RBM26: variants seen among roughly 807,000 people sequenced by gnomAD.
The protein encoded by RBM26 is RNA binding motif protein 26, also known as RNA-binding protein 26.
RBM26 carries 30 observed loss-of-function variants against 123.6 expected under a neutral mutation model. The ratio of observed to expected loss-of-function variants is 0.24; its 90% CI spans 0.18 to 0.33. The LOEUF is 0.33. Among genes scored for constraint, RBM26 ranks in the 10% least tolerant of loss-of-function variants. RBM26 has a pLI of 1.00. For synonymous variants in RBM26, 400 were observed against 404.4 expected (o/e 0.99, Z 0.13); for missense variants, 947 against 1,203.6 (o/e 0.79, Z 3.15).
intron 1 of RBM26, among the ~76,000 whole-genome samples, chr13:79,403,502 C>T (rs764400160): frequency 6.6e-6 from 1 of 152,144 alleles, no homozygotes; most frequent in African/African-American, 2.4e-5. Context: ...TGAAACTGAA[C>T]GCTTAAAGGA....
At chr13:79,350,980 A>C (rs961369049) in intron 14 of RBM26, among the ~76,000 whole-genome samples, 4 of 152,188 alleles carry the variant, frequency 2.6e-5, no homozygotes, top group Admixed American at 1.3e-4. Flanking sequence ...TTTATCAAAA[A>C]TATTTTTCCC....
At chr13:79,329,722 A>T (rs1039813852) in intron 20 of RBM26, among the ~76,000 whole-genome samples, 1 of 152,186 alleles carries the variant, frequency 6.6e-6, no homozygotes, top group African/African-American at 2.4e-5. Flanking sequence ...ATCAAGCTAT[A>T]TCAAAATATG....
intron 1 of RBM26, among the ~76,000 whole-genome samples, chr13:79,394,657 A>G (rs549398856): frequency 1.8e-4 from 28 of 152,152 alleles, no homozygotes; most frequent in Non-Finnish European, 2.9e-4. Context: ...TATTTTTGAC[A>G]GAGTCTCGCT....
intron 13 of RBM26, among the ~76,000 whole-genome samples, chr13:79,353,814 C>T (rs533477797): frequency 2.7e-4 from 41 of 152,052 alleles, no homozygotes; most frequent in African/African-American, 8.7e-4. Flanking sequence ...GCTGAAACAT[C>T]GGGAGACAAA....
At chr13:79,333,461 C>T (rs564299037) in intron 20 of RBM26, among the ~76,000 whole-genome samples, 1 of 152,214 alleles carries the variant, frequency 6.6e-6, no homozygotes, top group Non-Finnish European at 1.5e-5. Context: ...AGAGAACATT[C>T]ACTACAAAGA....
At chr13:79,380,629 G>A (rs368704199) in intron 1 of RBM26, among the ~76,000 whole-genome samples, 6 of 152,046 alleles carry the variant, frequency 3.9e-5, no homozygotes, top group African/African-American at 1.4e-4. Context: ...ATTTCTTTGT[G>A]TTGGGAACAT....
downstream of RBM26, among the ~76,000 whole-genome samples, chr13:79,316,192 G>GGTGTGTGTGT (rs3064578): frequency 0.096 from 13,656 of 141,920 alleles, 786 homozygotes; most frequent in Non-Finnish European, 0.13. Flanking sequence ...AAGTGGGGCA[G>GGTGTGTGTGT]GTGTGTGTGT....
In RBM26 at chr13:79,405,873, G is replaced by C. The variant is rs2079490403; in HGVS notation, c.-99C>G. On this transcript the variant is annotated 5_prime_UTR_variant, in exon 1 of 22. Transcript: ENST00000438737. ...GCCCCCTCCTCCGCGCGCCGCCCGC[G>C]TGGGCCGCGGTGGGAGGCGCCGGTG... is the stretch of plus-strand genomic sequence containing the variant. 1.7e-6 allele frequency: 1 copy of C among 598,236 alleles called. No homozygotes were observed. The highest frequency in any genetic ancestry group is 2.4e-6 in the Non-Finnish European group (1 of 408,420). 37.1% of individuals were successfully genotyped at this position (598,236 alleles called of 1,614,324 possible). A position where few individuals can be genotyped will look rare whatever the true frequency, so the allele number is the denominator to read the frequency against.
downstream of RBM26, among the ~76,000 whole-genome samples, chr13:79,315,177 CCT>C (rs2067030980): frequency 6.6e-6 from 1 of 151,602 alleles, no homozygotes; most frequent in Admixed American, 6.6e-5. Context: ...TTTACCAAAA[CCT>C]CTCTGCATCA....
Position 79,320,654 on chromosome 13 carries a change from T to C in RBM26, c.2991A>G (p.Glu997=), listed in dbSNP as rs780053108. 4 of 1,600,032 alleles carry C rather than the reference T, an allele frequency of 2.5e-6. No homozygotes were observed. In the South Asian group the frequency reaches 4.5e-5, roughly 18 times the overall value. Residue 997 remains glutamate (E), a synonymous_variant, in exon 22 of 22, where the codon GAA becomes GAG. Transcript: ENST00000438737. ...DSLLQDDDEE[E]EDNESRSWRR ...TCCAAGAACGAGATTCATTGTCCTC[T>C]TCTTCTTCATCATCATCTTGAAGTA...
At chr13:79,387,866 C>T in intron 1 of RBM26, among the ~76,000 whole-genome samples, 1 of 152,092 alleles carries the variant, frequency 6.6e-6, no homozygotes, top group East Asian at 1.9e-4. Context: ...TCCTAAATTG[C>T]CAGACCTATA....
chr13:79,402,435 C>CTTT (rs35140010), intron 1 of RBM26, among the ~76,000 whole-genome samples: 3 of 140,616 alleles, frequency 2.1e-5, no homozygotes, highest in African/African-American at 2.6e-5. Flanking sequence ...CACAGCCAGG[C>CTTT]TTTTTTTTTT....
At chr13:79,330,264 T>C (rs1593982912) in intron 20 of RBM26, among the ~76,000 whole-genome samples, 1 of 152,070 alleles carries the variant, frequency 6.6e-6, no homozygotes, top group Admixed American at 6.5e-5. Context: ...GGCATATACA[T>C]AACAGAAAGC....
At chr13:79,316,764 C>T (rs1476967195), downstream of RBM26, among the ~76,000 whole-genome samples, 1 of 151,726 alleles carries the variant, frequency 6.6e-6, no homozygotes, top group African/African-American at 2.4e-5. Context: ...GACAACTCAA[C>T]CATCCCTTGA....
rs8001549 is a variant in RBM26, at chr13:79,373,533, T to A, written c.328-1603A>T. On this transcript the variant is annotated intron_variant, in intron 3 of 21. Coordinates refer to ENST00000438737, the MANE Select transcript of RBM26 (RefSeq NM_001366735.2). ...TATTTATATATATTACTATATATATTTATATAATATATTTATATATTACTA... is the reference window on the plus strand; with the variant it reads ...TATTTATATATATTACTATATATATATATATAATATATTTATATATTACTA... Among the ~76,000 whole-genome samples, 7 of 25,596 alleles carry A rather than the reference T, an allele frequency of 2.7e-4. No homozygotes were observed. In the South Asian group the frequency reaches 3.1e-3, roughly 11 times the overall value. The allele number at this position is 25,596 out of a possible 152,430, so 16.8% of individuals were successfully genotyped here. A position where few individuals can be genotyped will look rare whatever the true frequency, so the allele number is the denominator to read the frequency against.
At chr13:79,373,690 T>C (rs1407167412) in intron 3 of RBM26, among the ~76,000 whole-genome samples, 1 of 28,714 alleles carries the variant, frequency 3.5e-5, no homozygotes, top group East Asian at 4.4e-4. Context: ...TATATAATAA[T>C]ATATAATATT....
intron 1 of RBM26, among the ~76,000 whole-genome samples, chr13:79,401,143 A>G (rs967336472): frequency 1.3e-5 from 2 of 152,180 alleles, no homozygotes; most frequent in Non-Finnish European, 1.5e-5. Flanking sequence ...AGCCAACCCA[A>G]AAGAATAACT....
At position 79,359,587 on chromosome 13, in the gene RBM26, G is replaced by T; in HGVS notation, c.1517C>A (p.Thr506Asn). 1 of 1,564,988 alleles carries T rather than the reference G, an allele frequency of 6.4e-7. No homozygotes were observed. Among genetic ancestry groups the T allele is most frequent in the South Asian group, 1.2e-5 (1 of 86,476 alleles). Reference sequence around the variant, plus strand: ...CTGGCCACCTTACTTATCAAACCAAGTCTTCTTTGTAGGAACTCCAGGCTC... The same window carrying T: ...CTGGCCACCTTACTTATCAAACCAATTCTTCTTTGTAGGAACTCCAGGCTC... ...SGEPGVPTKK[T>N]WFDKPNFNRT... is the part of the protein sequence containing the mutation. The change falls in exon 10 of 22, where the codon ACT (threonine) becomes AAT (asparagine). Residue 506 changes from threonine (T) to asparagine (N), a missense_variant. This residue lies in a region of RBM26 where 493 missense variants were observed against 563.1 expected (regional missense o/e 0.88). Coordinates refer to ENST00000438737, the MANE Select transcript of RBM26 (RefSeq NM_001366735.2).
chr13:79,393,614 C>T (rs2078290266), intron 1 of RBM26, among the ~76,000 whole-genome samples: 1 of 152,134 alleles, frequency 6.6e-6, no homozygotes, highest in Admixed American at 6.5e-5. Context: ...CATTCAACCC[C>T]CATACAGTTT....
Sources: allele counts gnomAD v4.1 joint callset (sites outside exome capture counted in the v4.1 genomes callset), GRCh38; gene constraint gnomAD v4.1.1; regional missense constraint gnomAD v4.1.1; transcripts MANE v1.5; gene names NCBI Gene and HGNC (gene_info 2026-07-23, HGNC 2026-07-21).